Variants in MYO3A observed in about 807,000 individuals in gnomAD.
MYO3A encodes the protein myosin-IIIa.
Under a neutral mutation model 192.7 loss-of-function variants are expected in MYO3A, and 180 were observed. That is an observed-to-expected ratio of 0.93 (90% CI 0.83 to 1.06). The LOEUF is 1.06. Among genes scored for constraint, MYO3A ranks in the 50% least tolerant of loss-of-function variants. The pLI is 0.00. For missense variants in MYO3A, 1,896 were observed against 1,905.0 expected (o/e 1.00, Z 0.09); for synonymous variants, 628 against 645.3 (o/e 0.97, Z 0.41).
intron 10 of MYO3A, among the ~76,000 whole-genome samples, chr10:26,027,888 TA>T (rs1376445394): frequency 6.6e-6 from 1 of 152,218 alleles, no homozygotes; most frequent in African/African-American, 2.4e-5. Context: ...AGTTGTACAT[TA>T]ATCTCTTACT....
At chr10:26,029,215 A>T (rs1000562082) in intron 10 of MYO3A, among the ~76,000 whole-genome samples, 6 of 152,168 alleles carry the variant, frequency 3.9e-5, no homozygotes, top group Non-Finnish European at 7.3e-5. Context: ...TATGCTCAAC[A>T]CTTTCTGATT....
In MYO3A at chr10:25,997,494, C is replaced by T. The variant is rs116294059; in HGVS notation, c.508+236C>T. On this transcript the variant is annotated intron_variant, in intron 6 of 34. Coordinates refer to ENST00000642920, the MANE Select transcript of MYO3A (RefSeq NM_017433.5). ...CATATAACACCAGTGTAGTAACATG[C>T]GTAGTTGATCCTCTAAAACAGACAG... 0.015 allele frequency among the ~76,000 whole-genome samples: 2,297 copies of T among 152,202 alleles called. 70 individuals carry two copies. The highest frequency in any genetic ancestry group is 0.052 in the African/African-American group (2,173 of 41,516).
intron 4 of MYO3A, among the ~76,000 whole-genome samples, chr10:25,956,927 A>C (rs1360054840): frequency 6.6e-6 from 1 of 151,900 alleles, no homozygotes; most frequent in East Asian, 1.9e-4. Flanking sequence ...GTCCCTCTCT[A>C]TGTGTCCATG....
intron 17 of MYO3A, among the ~76,000 whole-genome samples, chr10:26,108,506 A>G (rs2131626657): frequency 1.3e-5 from 2 of 152,356 alleles, no homozygotes; most frequent in Middle Eastern, 6.8e-3. Context: ...AATTATTCAA[A>G]TTGTATGCTA....
In MYO3A at chr10:26,127,397, T is replaced by G. The variant is rs369301210; in HGVS notation, c.2115-994T>G. On this transcript the variant is annotated intron_variant, in intron 19 of 34. Coordinates refer to ENST00000642920, the MANE Select transcript of MYO3A (RefSeq NM_017433.5). ...ATAATCTTGACTAAACCAGCATAAG[T>G]TTTAACTAGACATCTTGCCTCATAC... Among the ~76,000 whole-genome samples the G allele has an allele frequency of 4.2e-4, 64 of 152,246 alleles. No homozygotes were observed. In the South Asian group the frequency reaches 0.013, roughly 31 times the overall value.
intron 10 of MYO3A, among the ~76,000 whole-genome samples, chr10:26,048,885 T>C (rs1843792373): frequency 6.6e-6 from 1 of 152,060 alleles, no homozygotes; most frequent in Non-Finnish European, 1.5e-5. Context: ...AATGTGAGTG[T>C]TAAGAAAGAA....
chr10:26,047,675 T>C (rs1159939352), intron 10 of MYO3A, among the ~76,000 whole-genome samples: 3 of 152,028 alleles, frequency 2.0e-5, no homozygotes, highest in African/African-American at 4.8e-5. Flanking sequence ...CTCTGGAGGC[T>C]GAGGCAGGAG....
rs760900228 is a variant in MYO3A at position 26,125,441 on chromosome 10, T to A, written c.1947T>A (p.Ala649=). 1 of 1,614,054 alleles carries A rather than the reference T, an allele frequency of 6.2e-7. No individual in the cohort carries two copies. The highest frequency in any genetic ancestry group is 8.5e-7 in the Non-Finnish European group (1 of 1,179,934). ...TTCGGGCAGATGAGCTACAAGAAGC[T>A]CTCACCTCCCACTGTGTGGTCACTA... ...LCIRADELQE[A]LTSHCVVTRG... The change falls in exon 19 of 35, where the codon GCT becomes GCA. Residue 649 remains alanine (A), a synonymous_variant. Transcript: ENST00000642920.
intron 6 of MYO3A, among the ~76,000 whole-genome samples, chr10:25,997,822 G>C (rs992912621): frequency 6.6e-6 from 1 of 152,174 alleles, no homozygotes; most frequent in Admixed American, 6.5e-5. Flanking sequence ...GGGAAGAATG[G>C]GGGTGTTTGA....
At chr10:26,179,568 G>T (rs1156636635) in intron 31 of MYO3A, among the ~76,000 whole-genome samples, 3 of 152,100 alleles carry the variant, frequency 2.0e-5, no homozygotes, top group Non-Finnish European at 4.4e-5. Context: ...CAGTTTCTAA[G>T]AACCCATTGA....
At chr10:26,044,155 C>G (rs867419949) in intron 10 of MYO3A, among the ~76,000 whole-genome samples, 1 of 152,148 alleles carries the variant, frequency 6.6e-6, no homozygotes, top group African/African-American at 2.4e-5. Context: ...CTGATTGCTG[C>G]CCTATCTTAC....
chr10:26,139,085 C>T (rs1840006576), intron 20 of MYO3A, among the ~76,000 whole-genome samples: 1 of 152,144 alleles, frequency 6.6e-6, no homozygotes, highest in African/African-American at 2.4e-5. Flanking sequence ...AACAATAATA[C>T]TCCTAATAAT....
chr10:26,102,471 T>A (rs7921616), intron 17 of MYO3A, among the ~76,000 whole-genome samples: 106,649 of 152,148 alleles, frequency 0.7, 37,577 homozygotes, highest in Middle Eastern at 0.76. Flanking sequence ...GGAGGAGAAG[T>A]GGCCCTCTGA....
At chr10:26,051,735 A>G (rs1844017906) in intron 10 of MYO3A, among the ~76,000 whole-genome samples, 1 of 151,970 alleles carries the variant, frequency 6.6e-6, no homozygotes, top group African/African-American at 2.4e-5. Flanking sequence ...TCAGCAGTTA[A>G]TGGCTCATAG....
chr10:25,991,427 G>A (rs1189515912), intron 4 of MYO3A, among the ~76,000 whole-genome samples: 1 of 152,140 alleles, frequency 6.6e-6, no homozygotes, highest in Non-Finnish European at 1.5e-5. Flanking sequence ...TTTGTCAGAT[G>A]AGTAGATTGC....
intron 31 of MYO3A, among the ~76,000 whole-genome samples, chr10:26,188,268 T>C (rs1434569939): frequency 6.6e-6 from 1 of 152,206 alleles, no homozygotes; most frequent in East Asian, 1.9e-4. Flanking sequence ...TTTCATGTGT[T>C]TTTTGGCTGC....
chr10:26,129,265 A>G (rs532731544), intron 20 of MYO3A, among the ~76,000 whole-genome samples: 1 of 152,336 alleles, frequency 6.6e-6, no homozygotes, highest in South Asian at 2.1e-4. Flanking sequence ...TTGGAATTAC[A>G]TTTTGAAAAC....
At chr10:26,211,714 T>A in intron 34 of MYO3A, 129 bp from the exon 35 acceptor site, 4 of 1,418,756 alleles carry the variant, frequency 2.8e-6, no homozygotes, top group Non-Finnish European at 3.9e-6. Flanking sequence ...GTCGTTTCGA[T>A]TGTGCCTTTC....
intron 19 of MYO3A, among the ~76,000 whole-genome samples, chr10:26,126,202 C>A (rs1326491851): frequency 6.6e-6 from 1 of 152,098 alleles, no homozygotes; most frequent in Non-Finnish European, 1.5e-5. Flanking sequence ...ACAGCCACGA[C>A]TGACTGAGTG....
Sources: allele counts gnomAD v4.1 joint callset (sites outside exome capture counted in the v4.1 genomes callset), GRCh38; gene constraint gnomAD v4.1.1; transcripts MANE v1.5; gene names NCBI Gene and HGNC (gene_info 2026-07-23, HGNC 2026-07-21).